The following OR1L8 variants were observed in gnomAD, a reference collection of about 807,000 sequenced individuals.
OR1L8 encodes olfactory receptor family 1 subfamily L member 8, also known as olfactory receptor 1L8.
For synonymous variants in OR1L8, 148 were observed against 147.0 expected (o/e 1.01, Z -0.05); for missense variants, 330 against 377.4 (o/e 0.87, Z 1.04).
At chr9:122,569,872 T>A (rs1829509175) in intron 4 of OR1L8, among the ~76,000 whole-genome samples, 3 of 151,650 alleles carry the variant, frequency 2.0e-5, no homozygotes, top group Non-Finnish European at 4.4e-5. Context: ...ATGTTCCCCT[T>A]CCTGTGTCCA....
chr9:122,555,807 G>A, the OR1L8 span, among the ~76,000 whole-genome samples: 2 of 152,032 alleles, frequency 1.3e-5, no homozygotes, highest in Admixed American at 6.6e-5. Context: ...CCCAACACAC[G>A]CACAATCTCC....
At chr9:122,553,178 T>C in the OR1L8 span, 2 of 1,600,558 alleles carry the variant, frequency 1.2e-6, no homozygotes, top group Non-Finnish European at 8.5e-7. Flanking sequence ...ACATGGAAGG[T>C]TTTTATCTGC....
At chr9:122,554,153 C>T in the OR1L8 span, 2 of 1,609,852 alleles carry the variant, frequency 1.2e-6, no homozygotes, top group Non-Finnish European at 1.7e-6. Context: ...GAAAAACATT[C>T]TTTTTATGAT....
the OR1L8 span, among the ~76,000 whole-genome samples, chr9:122,550,483 A>G: frequency 2.0e-5 from 3 of 152,182 alleles, no homozygotes; most frequent in Non-Finnish European, 4.4e-5. Flanking sequence ...GTGACAATAG[A>G]TGCAAAAATT....
At chr9:122,553,746 C>T in the OR1L8 span, 3 of 1,614,000 alleles carry the variant, frequency 1.9e-6, no homozygotes, top group Non-Finnish European at 2.5e-6. Context: ...AGCCATCCCT[C>T]ATTTCTATTG....
the OR1L8 span, among the ~76,000 whole-genome samples, chr9:122,560,461 G>C: frequency 6.6e-6 from 1 of 152,094 alleles, no homozygotes; most frequent in Admixed American, 6.5e-5. Context: ...GCAGTGGCTG[G>C]TACCGGTGTT....
intron 1 of OR1L8, among the ~76,000 whole-genome samples, chr9:122,579,296 G>A (rs11792391): frequency 0.14 from 20,625 of 151,694 alleles, 1,507 homozygotes; most frequent in Middle Eastern, 0.2. Context: ...TTTTAATTGA[G>A]TTATATTTAA....
At position 122,567,465 on chromosome 9, in the gene OR1L8, G is replaced by T. The variant is rs1465120889; in HGVS notation, c.*83C>A. The T allele has an allele frequency of 5.7e-6, 6 of 1,055,088 alleles. No homozygotes were observed. Among genetic ancestry groups the T allele is most frequent in the Non-Finnish European group, 6.9e-6 (5 of 720,866 alleles). The allele number at this position is 1,055,088 out of a possible 1,614,324, so 65.4% of individuals were successfully genotyped here. A position where few individuals can be genotyped will look rare whatever the true frequency, so the allele number is the denominator to read the frequency against. On this transcript the variant is annotated 3_prime_UTR_variant, in exon 5 of 5. Transcript: ENST00000641027. ...GGGTCAGAAGTGCTAGCTTCCAACA[G>T]CTTTGACTGTTCACCAGAAACCAGT...
At chr9:122,578,157 G>A (rs1428554780) in intron 2 of OR1L8, among the ~76,000 whole-genome samples, 167 bp downstream of exon 2, 1 of 152,280 alleles carries the variant, frequency 6.6e-6, no homozygotes, top group African/African-American at 2.4e-5. Context: ...AGGAAAAGAA[G>A]TCATTATACA....
chr9:122,554,694 G>A, the OR1L8 span, among the ~76,000 whole-genome samples: 3 of 152,132 alleles, frequency 2.0e-5, no homozygotes, highest in African/African-American at 4.8e-5. Context: ...TGACAAGGAA[G>A]GTGTGAGTGT....
chr9:122,552,040 C>T, the OR1L8 span, among the ~76,000 whole-genome samples: 1 of 146,842 alleles, frequency 6.8e-6, no homozygotes, highest in Non-Finnish European at 1.5e-5. Context: ...GACACATACA[C>T]ACACACACAC....
intron 3 of OR1L8, among the ~76,000 whole-genome samples, chr9:122,573,646 CT>C (rs1420187168): frequency 1.3e-5 from 2 of 152,096 alleles, no homozygotes; most frequent in Non-Finnish European, 2.9e-5. Flanking sequence ...AATTACAGTC[CT>C]TTATCAGATA....
the OR1L8 span, among the ~76,000 whole-genome samples, chr9:122,559,976 A>C: frequency 1.5e-3 from 224 of 152,316 alleles, 1 homozygote; most frequent in Admixed American, 5.1e-3. Flanking sequence ...GTCTCTTTGT[A>C]GGTCTCTAAG....
chr9:122,550,274 A>G, the OR1L8 span, among the ~76,000 whole-genome samples: 1 of 152,286 alleles, frequency 6.6e-6, no homozygotes, highest in East Asian at 1.9e-4. Flanking sequence ...AACAACAACA[A>G]CAAAAAGCCC....
rs775838615 is a variant in OR1L8, at chr9:122,567,381, G to C, written c.*167C>G. 1 of 514,036 alleles carries C rather than the reference G, an allele frequency of 1.9e-6. No individual in the cohort carries two copies. Among genetic ancestry groups the C allele is most frequent in the Non-Finnish European group, 3.4e-6 (1 of 294,796 alleles). 31.8% of individuals were successfully genotyped at this position (514,036 alleles called of 1,614,324 possible). On this transcript the variant is annotated 3_prime_UTR_variant, in exon 5 of 5. Transcript: ENST00000641027. ...AACGATTGTGATTTAAGAGATACAG[G>C]CCGAATTGTTGGGTCATCATCAATG...
chr9:122,560,039 T>C, the OR1L8 span, among the ~76,000 whole-genome samples: 3 of 152,346 alleles, frequency 2.0e-5, no homozygotes, highest in South Asian at 4.1e-4. Flanking sequence ...ATATTTAAGA[T>C]AGTTAGCTCT....
In OR1L8 at chr9:122,567,987, A is replaced by C; in HGVS notation, c.491T>G (p.Leu164Arg). 1.9e-6 allele frequency: 3 copies of C among 1,614,192 alleles called. No individual in the cohort carries two copies. Among genetic ancestry groups the C allele is most frequent in the Non-Finnish European group, 2.5e-6 (3 of 1,180,020 alleles). The part of the protein sequence containing the change: ...HLHSLLHTLL[L>R]NRLTFCDSNV... ...GGAGTCACAGAAGGTGAGACGATTC[A>C]GCAGAAGTGTGTGCAGGAGTGAGTG... Residue 164 changes from leucine (L) to arginine (R), a missense_variant, in exon 5 of 5, where the codon CTG becomes CGG. Physicochemically the swap from Leu to Arg is moderately radical, Grantham distance 102 (BLOSUM62 -2). Coordinates refer to ENST00000641027, the MANE Select transcript of OR1L8 (RefSeq NM_001004454.2).
At chr9:122,553,660 T>C in the OR1L8 span, 1 of 1,614,150 alleles carries the variant, frequency 6.2e-7, no homozygotes, top group Non-Finnish European at 8.5e-7. Flanking sequence ...ATGCTGGGTG[T>C]GTGCTGGGTG....
the OR1L8 span, among the ~76,000 whole-genome samples, chr9:122,561,943 A>G: frequency 6.6e-5 from 10 of 152,224 alleles, no homozygotes; most frequent in African/African-American, 2.4e-4. Context: ...AGTAGGAAAA[A>G]CTAAGTCTGC....
Sources: allele counts gnomAD v4.1 joint callset (sites outside exome capture counted in the v4.1 genomes callset), GRCh38; gene constraint gnomAD v4.1.1; transcripts MANE v1.5; gene names NCBI Gene and HGNC (gene_info 2026-07-23, HGNC 2026-07-21).